ARFGAP3: variants seen among roughly 807,000 people sequenced by gnomAD.
ARFGAP3 encodes the protein ADP-ribosylation factor GTPase-activating protein 3.
Under a neutral mutation model 75.0 loss-of-function variants are expected in ARFGAP3, and 72 were observed. The ratio of observed to expected loss-of-function variants is 0.96; its 90% CI spans 0.79 to 1.17. The LOEUF is 1.17. ARFGAP3 is among the 50% of genes most tolerant of loss of function. The probability of loss-of-function intolerance (pLI) is 0.00; values close to 1 mark genes in which losing one functional copy is unlikely to be tolerated. For synonymous variants in ARFGAP3, 221 were observed against 217.9 expected (o/e 1.01, Z -0.13); for missense variants, 620 against 626.6 (o/e 0.99, Z 0.11).
chr22:42,850,369 T>G (rs774429849), intron 1 of ARFGAP3, among the ~76,000 whole-genome samples: 7 of 151,822 alleles, frequency 4.6e-5, no homozygotes, highest in Admixed American at 2.0e-4. Flanking sequence ...CTCAAGAGTT[T>G]GAGACCAGCC....
chr22:42,854,927 C>T (rs1291484625), intron 1 of ARFGAP3, among the ~76,000 whole-genome samples: 1 of 151,132 alleles, frequency 6.6e-6, no homozygotes, highest in Non-Finnish European at 1.5e-5. Flanking sequence ...CATTTTTGCT[C>T]ATTGCTTTTA....
chr22:42,829,009 T>G (rs565258557), intron 6 of ARFGAP3, among the ~76,000 whole-genome samples: 2 of 152,192 alleles, frequency 1.3e-5, no homozygotes, highest in African/African-American at 4.8e-5. Flanking sequence ...TGCTAATAAA[T>G]TATAATAGTG....
intron 11 of ARFGAP3, among the ~76,000 whole-genome samples, chr22:42,813,483 T>G (rs948719774): frequency 6.6e-6 from 1 of 152,184 alleles, no homozygotes; most frequent in South Asian, 2.1e-4. Flanking sequence ...TCTAAGGAAA[T>G]AACATTCTTC....
intron 15 of ARFGAP3, among the ~76,000 whole-genome samples, chr22:42,798,156 A>G (rs1303843216): frequency 6.6e-6 from 1 of 152,344 alleles, no homozygotes; most frequent in African/African-American, 2.4e-5. Context: ...CCTAAGGGAC[A>G]TGAAAGAGCT....
chr22:42,817,976 A>G, intron 9 of ARFGAP3, 119 bp from the exon 10 acceptor site: 3 of 1,263,696 alleles, frequency 2.4e-6, no homozygotes, highest in South Asian at 1.9e-5. Flanking sequence ...TTCCATAATT[A>G]ACAATTATGA....
At chr22:42,831,724 T>C (rs1205507917) in intron 5 of ARFGAP3, 88 bp from the exon 6 acceptor site, 2 of 1,583,926 alleles carry the variant, frequency 1.3e-6, no homozygotes, top group East Asian at 2.3e-5. Context: ...ACCTAACAAT[T>C]TAAACAGCCA....
Position 42,799,060 on chromosome 22 carries a change from A to G in ARFGAP3, c.1512T>C (p.Asn504=). ...TGACCTGAATTGAAGTCACGACTCC[A>G]TTAGCAAAGACGGAGAGTTTTCCAG... ...SVAGKLSVFA[N]GVVTSIQDRY... is the part of the protein sequence containing the mutation. Residue 504 remains asparagine (N), a synonymous_variant, in exon 15 of 16, where the codon AAT becomes AAC. Coordinates refer to ENST00000263245, the MANE Select transcript of ARFGAP3 (RefSeq NM_014570.5). 6.2e-7 allele frequency: 1 copy of G among 1,614,208 alleles called. No homozygotes were observed. Among genetic ancestry groups the G allele is most frequent in the Non-Finnish European group, 8.5e-7 (1 of 1,180,038 alleles).
intron 8 of ARFGAP3, 61 bp downstream of exon 8, chr22:42,823,595 C>T (rs532648998): frequency 5.3e-5 from 65 of 1,216,998 alleles, no homozygotes; most frequent in East Asian, 1.0e-4. Context: ...AATGACGAAG[C>T]GGCTTTTTAG....
At chr22:42,813,910 T>C (rs1164506141) in intron 11 of ARFGAP3, among the ~76,000 whole-genome samples, 1 of 152,224 alleles carries the variant, frequency 6.6e-6, no homozygotes, top group Non-Finnish European at 1.5e-5. Context: ...CTCTCAATGC[T>C]TTTTTACTTT....
At chr22:42,811,569 T>C (rs115222829) in intron 11 of ARFGAP3, among the ~76,000 whole-genome samples, 1,615 of 152,346 alleles carry the variant, frequency 0.011, 29 homozygotes, top group African/African-American at 0.037. Flanking sequence ...TGATGCTCAT[T>C]AACCTCCTCC....
intron 2 of ARFGAP3, among the ~76,000 whole-genome samples, chr22:42,845,926 T>C (rs1270999750): frequency 1.3e-5 from 2 of 150,516 alleles, no homozygotes; most frequent in Non-Finnish European, 2.9e-5. Flanking sequence ...TAATCCCAGC[T>C]ACTTGGGAGG....
intron 9 of ARFGAP3, among the ~76,000 whole-genome samples, chr22:42,818,611 T>C (rs1029080300): frequency 6.6e-6 from 1 of 152,076 alleles, no homozygotes; most frequent in Admixed American, 6.6e-5. Context: ...ATAGCAAGAA[T>C]AGCAGTTTGC....
chr22:42,797,792 G>A (rs1924670860), intron 15 of ARFGAP3, 187 bp from the exon 16 acceptor site: 6 of 968,658 alleles, frequency 6.2e-6, no homozygotes, highest in South Asian at 4.8e-5. Context: ...CTGAGGGTAG[G>A]TGTGGGCTTC....
At chr22:42,798,636 AAAAG>A (rs926542670) in intron 15 of ARFGAP3, among the ~76,000 whole-genome samples, 45 of 152,370 alleles carry the variant, frequency 3.0e-4, no homozygotes, top group African/African-American at 9.6e-4. Context: ...TTTAACTTTA[AAAAG>A]ATAGATATGT....
At chr22:42,830,457 T>G (rs562882849) in intron 6 of ARFGAP3, among the ~76,000 whole-genome samples, 1 of 152,320 alleles carries the variant, frequency 6.6e-6, no homozygotes, top group Admixed American at 6.5e-5. Context: ...GCTTCATCTT[T>G]CCTGTTACGC....
intron 15 of ARFGAP3, chr22:42,797,856 G>C (rs1924674294): frequency 1.7e-6 from 1 of 586,484 alleles, no homozygotes; most frequent in Admixed American, 6.3e-5. Flanking sequence ...ACAGTCCTGG[G>C]ATCAGGAGGC....
chr22:42,840,434 T>A (rs1926728956), intron 3 of ARFGAP3, among the ~76,000 whole-genome samples: 1 of 151,952 alleles, frequency 6.6e-6, no homozygotes. Context: ...TTTGTTTTTT[T>A]GGGATGGAGT....
At chr22:42,848,419 A>T (rs1927121151) in intron 1 of ARFGAP3, among the ~76,000 whole-genome samples, 1 of 152,116 alleles carries the variant, frequency 6.6e-6, no homozygotes, top group African/African-American at 2.4e-5. Context: ...CGTGTTAGCC[A>T]GGATAGTCTC....
chr22:42,817,302 A>G, intron 10 of ARFGAP3, 38 bp from the exon 11 acceptor site: 1 of 1,551,874 alleles, frequency 6.4e-7, no homozygotes, highest in Non-Finnish European at 8.7e-7. Flanking sequence ...CAGTAAGTTC[A>G]CAAACTTTTG....
Sources: gnomAD v4.1 joint callset for allele counts (sites outside exome capture counted in the v4.1 genomes callset) on GRCh38, gnomAD v4.1.1 for gene constraint, MANE v1.5 for transcripts, NCBI Gene and HGNC (gene_info 2026-07-23, HGNC 2026-07-21) for gene names.